Variants in TNFRSF8 observed in about 807,000 individuals in gnomAD.
The protein encoded by TNFRSF8 is tumor necrosis factor receptor superfamily member 8.
In TNFRSF8, 26 loss-of-function variants were observed where a neutral mutation model predicts 70.8. The ratio of observed to expected loss-of-function variants is 0.37; its 90% CI spans 0.27 to 0.51. The LOEUF (loss-of-function observed/expected upper bound fraction) is 0.51. TNFRSF8 is among the 20% of genes least tolerant of loss of function. The pLI, the probability that TNFRSF8 is intolerant of heterozygous loss-of-function variation, is 0.94. For synonymous variants in TNFRSF8, 356 were observed against 339.2 expected (o/e 1.05, Z -0.54); for missense variants, 720 against 807.9 (o/e 0.89, Z 1.32).
At position 12,081,639 on chromosome 1, in the gene TNFRSF8, T is replaced by C. The variant is rs1641064674; in HGVS notation, c.64-2825T>C. 2.0e-5 allele frequency among the ~76,000 whole-genome samples: 3 copies of C among 149,554 alleles called. No homozygotes were observed. The South Asian group carries it at 6.3e-4, about 32-fold the overall frequency. On this transcript the variant is annotated intron_variant, in intron 1 of 14. Transcript: ENST00000263932. ...CATGTATTATTTCAAATTAATATGG[T>C]GACATGTTTCAGACATGCAAAAAAA... is the stretch of plus-strand genomic sequence containing the variant.
chr1:12,082,451 C>T lies in TNFRSF8; in HGVS notation c.64-2013C>T, dbSNP rs528480605. Among the ~76,000 whole-genome samples the T allele has an allele frequency of 1.3e-4, 20 of 150,096 alleles. 1 individual carries two copies. In the South Asian group the frequency reaches 2.9e-3, roughly 22 times the overall value. On this transcript the variant is annotated intron_variant, in intron 1 of 14. Transcript: ENST00000263932. ...GCCCCAGCTACTTGGGAGGCTGAGG[C>T]GAAAGAGAGGACTATTTCAGCCTGG...
At chr1:12,078,436 C>T (rs1399479597) in intron 1 of TNFRSF8, among the ~76,000 whole-genome samples, 7 of 152,182 alleles carry the variant, frequency 4.6e-5, no homozygotes, top group East Asian at 1.9e-4. Flanking sequence ...TGGTGCCAAG[C>T]GCCTGCAGTC....
rs1225646473 is a variant in TNFRSF8, at chr1:12,112,394, T to TC, written c.793+380_793+381insC. ...GCTGCCCCTATGAGCCACTTATTCTTTTTTTTTTTTTCCCAGACAGGGTCT... is the reference window on the plus strand; with the variant it reads ...GCTGCCCCTATGAGCCACTTATTCTTCTTTTTTTTTTTCCCAGACAGGGTCT... On this transcript the variant is annotated intron_variant, in intron 7 of 14. Transcript: ENST00000263932. The surrounding 1 kb of genome is among the most constrained non-coding windows in gnomAD (Gnocchi z 5.3). Among the ~76,000 whole-genome samples the TC allele has an allele frequency of 7.4e-5, 11 of 147,658 alleles. No homozygotes were observed. The highest frequency in any genetic ancestry group is 2.7e-4 in the Admixed American group (4 of 14,722).
intron 3 of TNFRSF8, among the ~76,000 whole-genome samples, chr1:12,103,889 T>G: frequency 6.6e-6 from 1 of 152,240 alleles, no homozygotes; most frequent in East Asian, 1.9e-4. Context: ...GTCCATAGTT[T>G]ACAGCAGGGT....
chr1:12,083,573 G>A (rs774102106), intron 1 of TNFRSF8, among the ~76,000 whole-genome samples: 2 of 152,186 alleles, frequency 1.3e-5, no homozygotes, highest in East Asian at 3.8e-4. Flanking sequence ...TGTAGTCTCA[G>A]TTACTTGGCA....
At chr1:12,096,922 C>T (rs1292799010) in intron 2 of TNFRSF8, among the ~76,000 whole-genome samples, 179 bp from the exon 3 acceptor site, 1 of 152,184 alleles carries the variant, frequency 6.6e-6, no homozygotes, top group East Asian at 1.9e-4. Flanking sequence ...GGACCTTAGG[C>T]GAGGGTTGCC....
chr1:12,065,300 C>G, intron 1 of TNFRSF8, among the ~76,000 whole-genome samples: 1 of 152,042 alleles, frequency 6.6e-6, no homozygotes, highest in East Asian at 1.9e-4. Context: ...TCAGTCTGGT[C>G]TCGAACTCCT....
Position 12,138,214 on chromosome 1 carries a change from A to G in TNFRSF8, c.1336-15A>G. 6.2e-7 allele frequency: 1 copy of G among 1,612,356 alleles called. No homozygotes were observed. The highest frequency in any genetic ancestry group is 1.7e-5 in the Admixed American group (1 of 59,942). On this transcript the variant is annotated splice_polypyrimidine_tract_variant and intron_variant, in intron 13 of 14. Transcript: ENST00000263932. The surrounding 1 kb of genome is among the most constrained non-coding windows in gnomAD (Gnocchi z 5.7). ...TTGGGGGTACCCTGCAGCAGCACCC[A>G]TTCCCGTCCCACAGCAGCTGAGGAG...
Position 12,110,387 on chromosome 1 carries a change from G to A in TNFRSF8, c.676+183G>A, listed in dbSNP as rs1641608634. ...TGAGGGGCAGAGGTAGACACCAGAG[G>A]GCTCATTCATTTGCCAGCAGTGCAG... On this transcript the variant is annotated intron_variant, in intron 6 of 14. Transcript: ENST00000263932. The surrounding 1 kb of genome is among the most constrained non-coding windows in gnomAD (Gnocchi z 4.0). Among the ~76,000 whole-genome samples, 1 of 152,092 alleles carries A rather than the reference G, an allele frequency of 6.6e-6. No homozygotes were observed. The highest frequency in any genetic ancestry group is 1.5e-5 in the Non-Finnish European group (1 of 68,012).
At chr1:12,130,896 T>C (rs180963659) in intron 12 of TNFRSF8, among the ~76,000 whole-genome samples, 4 of 152,364 alleles carry the variant, frequency 2.6e-5, no homozygotes. Context: ...CCTCTGTACT[T>C]GGCAAGATTT....
At chr1:12,100,611 C>T (rs1043987886) in intron 3 of TNFRSF8, among the ~76,000 whole-genome samples, 5 of 151,960 alleles carry the variant, frequency 3.3e-5, no homozygotes, top group African/African-American at 4.8e-5. Flanking sequence ...CTACATTATC[C>T]GAGGCCTACA....
rs573576266 is a variant in TNFRSF8 at position 12,138,822 on chromosome 1, C to T, written c.1543+386C>T. Among the ~76,000 whole-genome samples the T allele has an allele frequency of 6.6e-6, 1 of 152,206 alleles. No homozygotes were observed. Among genetic ancestry groups the T allele is most frequent in the Admixed American group, 6.5e-5 (1 of 15,284 alleles). ...CTCTTCATCTCTGATGGTCTCACCA[C>T]CTTCTTTGGATGGTGTCTTTCTCCC... On this transcript the variant is annotated intron_variant, in intron 14 of 14. Transcript: ENST00000263932. This position sits in a 1 kb window ranked among gnomAD's most constrained non-coding sequence, Gnocchi z 5.7.
At chr1:12,084,107 A>G (rs568875426) in intron 1 of TNFRSF8, among the ~76,000 whole-genome samples, 52 of 152,284 alleles carry the variant, frequency 3.4e-4, no homozygotes, top group African/African-American at 1.2e-3. Flanking sequence ...AGAAATTTGT[A>G]TTGTTGGGCC....
chr1:12,092,225 C>T (rs1023827243), intron 2 of TNFRSF8, among the ~76,000 whole-genome samples: 6 of 152,146 alleles, frequency 3.9e-5, no homozygotes, highest in African/African-American at 1.4e-4. Flanking sequence ...GTCACCCAGG[C>T]TGGAGTGCAG....
rs377270192 is a variant in TNFRSF8, at chr1:12,095,442, G to C, written c.152-1659G>C. On this transcript the variant is annotated intron_variant, in intron 2 of 14. Coordinates refer to ENST00000263932, the MANE Select transcript of TNFRSF8 (RefSeq NM_001243.5). ...AGCTGGGATTACAGGCGCCTGCCAC[G>C]ACACCCAGCTAATTTTTGTATTTTT... Among the ~76,000 whole-genome samples, 516 of 151,858 alleles carry C rather than the reference G, an allele frequency of 3.4e-3. 3 individuals are homozygous for C. The highest frequency in any genetic ancestry group is 0.012 in the African/African-American group (493 of 41,436).
chr1:12,070,579 G>A (rs372680899), intron 1 of TNFRSF8, among the ~76,000 whole-genome samples: 5 of 152,044 alleles, frequency 3.3e-5, no homozygotes, highest in Admixed American at 6.5e-5. Flanking sequence ...TCCTGCCTGC[G>A]CCTCCTATTG....
chr1:12,073,741 C>T (rs549948090), intron 1 of TNFRSF8, among the ~76,000 whole-genome samples: 255 of 151,604 alleles, frequency 1.7e-3, no homozygotes, highest in African/African-American at 5.5e-3. Flanking sequence ...TTACAGGCGC[C>T]CACCACCACG....
intron 1 of TNFRSF8, among the ~76,000 whole-genome samples, chr1:12,064,579 G>GGGAA (rs1268270270): frequency 3.3e-5 from 5 of 152,106 alleles, no homozygotes; most frequent in African/African-American, 1.2e-4. Flanking sequence ...GTGGGGGAGA[G>GGGAA]GGAAGACCCA....
chr1:12,095,056 T>G (rs946164488), intron 2 of TNFRSF8, among the ~76,000 whole-genome samples: 1 of 152,188 alleles, frequency 6.6e-6, no homozygotes, highest in Non-Finnish European at 1.5e-5. Flanking sequence ...TTTAATTAGC[T>G]TCTAGCTAAA....
Sources: gnomAD v4.1 joint callset for allele counts (sites outside exome capture counted in the v4.1 genomes callset) on GRCh38, gnomAD v4.1.1 for gene constraint, Gnocchi (gnomAD v3.1) non-coding constraint, MANE v1.5 for transcripts, NCBI Gene and HGNC (gene_info 2026-07-23, HGNC 2026-07-21) for gene names.